The following CLSTN2 variants were observed in gnomAD, a reference collection of about 807,000 sequenced individuals.
The protein encoded by CLSTN2 is calsyntenin-2.
Under a neutral mutation model 101.2 loss-of-function variants are expected in CLSTN2, and 48 were observed. The ratio of observed to expected loss-of-function variants is 0.47; its 90% CI spans 0.38 to 0.60. CLSTN2 has a LOEUF of 0.60. Ranked by LOEUF, CLSTN2 falls within the 20% of genes least tolerant of loss-of-function variation. The probability of loss-of-function intolerance (pLI) is 0.00; values close to 1 mark genes in which losing one functional copy is unlikely to be tolerated. For synonymous variants in CLSTN2, 481 were observed against 463.6 expected (o/e 1.04, Z -0.48); for missense variants, 1,160 against 1,238.2 (o/e 0.94, Z 0.95).
chr3:140,493,603 C>G (rs1350141331), intron 8 of CLSTN2, among the ~76,000 whole-genome samples: 1 of 152,218 alleles, frequency 6.6e-6, no homozygotes, highest in Non-Finnish European at 1.5e-5. Context: ...GCTGTCCTAT[C>G]ATGTCAGGGG....
intron 2 of CLSTN2, among the ~76,000 whole-genome samples, chr3:140,319,139 G>A (rs377072661): frequency 2.6e-5 from 4 of 152,112 alleles, no homozygotes; most frequent in South Asian, 4.2e-4. Context: ...GTCCTAGATC[G>A]ATTAGGATTT....
intron 1 of CLSTN2, among the ~76,000 whole-genome samples, chr3:139,941,625 G>C (rs1435362187): frequency 6.6e-6 from 1 of 152,130 alleles, no homozygotes; most frequent in African/African-American, 2.4e-5. Context: ...CAACAATAGA[G>C]GTCAGGAAAG....
At chr3:140,308,704 C>T (rs1310662340) in intron 2 of CLSTN2, among the ~76,000 whole-genome samples, 5 of 152,344 alleles carry the variant, frequency 3.3e-5, no homozygotes, top group African/African-American at 9.6e-5. Context: ...TGACAGAAAC[C>T]TCTCAACGTA....
rs1265068305 is a variant in CLSTN2 at position 140,175,828 on chromosome 3, GTC to G, written c.110-118_110-117del. 1.8e-5 allele frequency: 17 copies of G among 955,580 alleles called. No individual in the cohort carries two copies. The African/African-American group carries it at 2.6e-4, about 15-fold the overall frequency. The allele number at this position is 955,580 out of a possible 1,614,324, so 59.2% of individuals were successfully genotyped here. A position where few individuals can be genotyped will look rare whatever the true frequency, so the allele number is the denominator to read the frequency against. On this transcript the variant is annotated intron_variant, in intron 1 of 16. Coordinates refer to ENST00000458420, the MANE Select transcript of CLSTN2 (RefSeq NM_022131.3). ...TTAAAATGGGATTAACATGTTCCAT[GTC>G]TCTCATGGGATTGTTGGATGAGAGT...
chr3:140,323,158 C>G (rs1217355140), intron 2 of CLSTN2, among the ~76,000 whole-genome samples: 1 of 152,134 alleles, frequency 6.6e-6, no homozygotes, highest in Non-Finnish European at 1.5e-5. Flanking sequence ...GCAGGCCTCC[C>G]CAGCAGTGGC....
Position 140,408,190 on chromosome 3 carries a change from CAG to C in CLSTN2, c.637+3432_637+3433del, listed in dbSNP as rs1478334179. Among the ~76,000 whole-genome samples, 5 of 152,276 alleles carry C rather than the reference CAG, an allele frequency of 3.3e-5. No homozygotes were observed. The South Asian group carries it at 8.3e-4, about 25-fold the overall frequency. On this transcript the variant is annotated intron_variant, in intron 4 of 16. Coordinates refer to ENST00000458420, the MANE Select transcript of CLSTN2 (RefSeq NM_022131.3). ...TCCCCCAGACCAGAAGTGCTTAGCACAGAGAGAGAACTCCTTAGCTCAAAAGT... is the reference window on the plus strand; with the variant it reads ...TCCCCCAGACCAGAAGTGCTTAGCACAGAGAGAACTCCTTAGCTCAAAAGT...
intron 5 of CLSTN2, among the ~76,000 whole-genome samples, 172 bp downstream of exon 5, chr3:140,421,446 A>AT (rs2088505186): frequency 6.6e-6 from 1 of 152,282 alleles, no homozygotes; most frequent in Non-Finnish European, 1.5e-5. Context: ...TATTATCCCC[A>AT]TTTTTCAGCT....
At chr3:140,533,845 G>A (rs1935309296) in intron 9 of CLSTN2, among the ~76,000 whole-genome samples, 1 of 152,128 alleles carries the variant, frequency 6.6e-6, no homozygotes, top group South Asian at 2.1e-4. Context: ...AGATGAAAAG[G>A]AGTACATACA....
intron 1 of CLSTN2, among the ~76,000 whole-genome samples, chr3:139,953,853 T>C (rs1465638236): frequency 1.3e-5 from 2 of 152,030 alleles, no homozygotes; most frequent in African/African-American, 4.8e-5. Flanking sequence ...TTTGCTCAAA[T>C]CCTTGCCTCA....
chr3:140,368,315 T>C (rs1234161606), intron 2 of CLSTN2, among the ~76,000 whole-genome samples: 2 of 152,194 alleles, frequency 1.3e-5, no homozygotes, highest in African/African-American at 4.8e-5. Flanking sequence ...TCTCTCCCTC[T>C]GGCTTCCAGT....
At chr3:140,150,496 C>CA (rs1361712803) in intron 1 of CLSTN2, among the ~76,000 whole-genome samples, 1 of 152,160 alleles carries the variant, frequency 6.6e-6, no homozygotes, top group Non-Finnish European at 1.5e-5. Context: ...TTGGCAGAAA[C>CA]AGTTTTTAAT....
At chr3:140,456,318 G>T (rs1390988429) in intron 6 of CLSTN2, among the ~76,000 whole-genome samples, 2 of 152,142 alleles carry the variant, frequency 1.3e-5, no homozygotes, top group African/African-American at 4.8e-5. Flanking sequence ...CTCACTAGCT[G>T]GGTGCCATCC....
intron 1 of CLSTN2, among the ~76,000 whole-genome samples, chr3:140,049,631 T>C (rs1469819044): frequency 6.6e-6 from 1 of 152,298 alleles, no homozygotes; most frequent in South Asian, 2.1e-4. Flanking sequence ...CCATGATCTG[T>C]CTGGCTCAAA....
intron 1 of CLSTN2, among the ~76,000 whole-genome samples, chr3:140,172,798 C>T (rs945665353): frequency 1.3e-5 from 2 of 152,122 alleles, no homozygotes; most frequent in Admixed American, 1.3e-4. Context: ...CCTGATAAAA[C>T]CATCAGATCT....
At chr3:140,112,249 G>T (rs537057319) in intron 1 of CLSTN2, among the ~76,000 whole-genome samples, 1 of 152,138 alleles carries the variant, frequency 6.6e-6, no homozygotes, top group Non-Finnish European at 1.5e-5. Context: ...TTAACTACTT[G>T]TCTTCTAAGC....
At chr3:140,166,294 T>TA (rs545332905) in intron 1 of CLSTN2, among the ~76,000 whole-genome samples, 126 of 152,334 alleles carry the variant, frequency 8.3e-4, no homozygotes, top group African/African-American at 2.7e-3. Context: ...TATCTTGGCC[T>TA]AAGCAGTTCT....
chr3:140,425,838 G>T lies in CLSTN2; in HGVS notation c.787+4564G>T, dbSNP rs181859939. Among the ~76,000 whole-genome samples, 8 of 152,350 alleles carry T rather than the reference G, an allele frequency of 5.3e-5. No individual in the cohort carries two copies. The East Asian group carries it at 1.5e-3, about 29-fold the overall frequency. ...AATGGTCAGCTCACTCTGCAGTGAGGTGGAACTTTGCTGAAGGGAACACTC... is the reference window on the plus strand; with the variant it reads ...AATGGTCAGCTCACTCTGCAGTGAGTTGGAACTTTGCTGAAGGGAACACTC... On this transcript the variant is annotated intron_variant, in intron 5 of 16. Coordinates refer to ENST00000458420, the MANE Select transcript of CLSTN2 (RefSeq NM_022131.3).
At chr3:140,202,219 A>G (rs1436431714) in intron 2 of CLSTN2, among the ~76,000 whole-genome samples, 1 of 152,164 alleles carries the variant, frequency 6.6e-6, no homozygotes, top group Non-Finnish European at 1.5e-5. Context: ...CTGCTCCTAT[A>G]TTGAGAAGAG....
At chr3:140,101,021 G>A (rs568788084) in intron 1 of CLSTN2, among the ~76,000 whole-genome samples, 4 of 152,048 alleles carry the variant, frequency 2.6e-5, no homozygotes, top group Non-Finnish European at 4.4e-5. Context: ...AGAGACCCTG[G>A]TTGGAAAGAA....
Sources: gnomAD v4.1 joint callset for allele counts (sites outside exome capture counted in the v4.1 genomes callset) on GRCh38, gnomAD v4.1.1 for gene constraint, MANE v1.5 for transcripts, NCBI Gene and HGNC (gene_info 2026-07-23, HGNC 2026-07-21) for gene names.